The following TINAG variants were observed in gnomAD, a reference collection of about 807,000 sequenced individuals.
TINAG encodes tubulointerstitial nephritis antigen.
A neutral mutation model predicts 72.7 loss-of-function variants in TINAG; 83 were observed. The observed-to-expected ratio is 1.14, with a 90% CI of 0.96 to 1.37. The LOEUF (loss-of-function observed/expected upper bound fraction) is 1.37. Among genes scored for constraint, TINAG ranks in the 40% most tolerant of loss-of-function variants. The probability of loss-of-function intolerance (pLI) is 0.00; values close to 1 mark genes in which losing one functional copy is unlikely to be tolerated. For synonymous variants in TINAG, 234 were observed against 189.9 expected (o/e 1.23, Z -1.91); for missense variants, 685 against 576.6 (o/e 1.19, Z -1.93).
At chr6:54,357,640 T>C (rs1763094869) in intron 9 of TINAG, among the ~76,000 whole-genome samples, 4 of 151,918 alleles carry the variant, frequency 2.6e-5, no homozygotes, top group Admixed American at 2.6e-4. Context: ...TTACTTTCAA[T>C]ATGTCACAAC....
At chr6:54,340,403 A>AG (rs1784969569) in intron 4 of TINAG, among the ~76,000 whole-genome samples, 1 of 152,102 alleles carries the variant, frequency 6.6e-6, no homozygotes, top group South Asian at 2.1e-4. Flanking sequence ...AGCAAAAAAA[A>AG]AAAAAATTAA....
At chr6:54,332,479 A>G (rs1354821250) in intron 4 of TINAG, among the ~76,000 whole-genome samples, 3 of 152,240 alleles carry the variant, frequency 2.0e-5, no homozygotes, top group Non-Finnish European at 4.4e-5. Flanking sequence ...AAGATGAATT[A>G]AAGACTTGAA....
Position 54,350,997 on chromosome 6 carries a change from A to G in TINAG, c.1081-355A>G, listed in dbSNP as rs9395938. ...GAGACATCATAGAAATATTTGTACT[A>G]AAGCTACTGAGACATCTAACTAAAC... On this transcript the variant is annotated intron_variant, in intron 7 of 10. Coordinates refer to ENST00000259782, the MANE Select transcript of TINAG (RefSeq NM_014464.4). Among the ~76,000 whole-genome samples the G allele has an allele frequency of 9.2e-3, 1,394 of 152,006 alleles. 30 individuals are homozygous for G. The highest frequency in any genetic ancestry group is 0.052 in the East Asian group (265 of 5,122).
chr6:54,313,755 T>A (rs79815013), intron 1 of TINAG, among the ~76,000 whole-genome samples: 1 of 152,126 alleles, frequency 6.6e-6, no homozygotes, highest in Non-Finnish European at 1.5e-5. Flanking sequence ...TTAAATTAAA[T>A]AATAATTTAC....
chr6:54,367,543 T>C (rs1763471219), intron 9 of TINAG, among the ~76,000 whole-genome samples: 1 of 151,730 alleles, frequency 6.6e-6, no homozygotes, highest in Non-Finnish European at 1.5e-5. Flanking sequence ...GAACCCTACC[T>C]GAGCATGTGC....
At chr6:54,349,425 T>G in intron 6 of TINAG, among the ~76,000 whole-genome samples, 1 of 152,006 alleles carries the variant, frequency 6.6e-6, no homozygotes, top group Non-Finnish European at 1.5e-5. Context: ...ACCACAGACT[T>G]AATATTGACA....
intron 10 of TINAG, among the ~76,000 whole-genome samples, chr6:54,381,866 T>A (rs73446639): frequency 0.01 from 1,549 of 152,160 alleles, 34 homozygotes; most frequent in African/African-American, 0.034. Flanking sequence ...TCACAACAGT[T>A]CTTAGCATAT....
At chr6:54,337,931 G>A (rs893289011) in intron 4 of TINAG, among the ~76,000 whole-genome samples, 6 of 152,286 alleles carry the variant, frequency 3.9e-5, no homozygotes, top group East Asian at 1.9e-4. Context: ...GGGAAAAGCC[G>A]AGGACAGAGT....
intron 4 of TINAG, chr6:54,327,236 T>C (rs1042542249): frequency 6.8e-7 from 1 of 1,474,132 alleles, no homozygotes; most frequent in Non-Finnish European, 9.0e-7. Context: ...ATTTCTGCAT[T>C]ACCAACTGAG....
At chr6:54,376,784 A>G (rs925489413) in intron 9 of TINAG, among the ~76,000 whole-genome samples, 21 of 152,146 alleles carry the variant, frequency 1.4e-4, no homozygotes, top group Non-Finnish European at 8.8e-5. Context: ...TCTTTCCATA[A>G]AGACTTTTCA....
chr6:54,366,676 A>T (rs1358156691), intron 9 of TINAG, among the ~76,000 whole-genome samples: 1 of 151,492 alleles, frequency 6.6e-6, no homozygotes, highest in Non-Finnish European at 1.5e-5. Flanking sequence ...TAGGATAGGG[A>T]TATACATTGA....
chr6:54,333,319 G>T (rs999899868), intron 4 of TINAG, among the ~76,000 whole-genome samples: 1 of 152,100 alleles, frequency 6.6e-6, no homozygotes, highest in Non-Finnish European at 1.5e-5. Flanking sequence ...CTTTTGCAGG[G>T]ACATGGATGA....
intron 3 of TINAG, among the ~76,000 whole-genome samples, chr6:54,326,298 TTAA>T (rs1784600301): frequency 2.0e-5 from 3 of 151,684 alleles, no homozygotes; most frequent in South Asian, 2.1e-4. Context: ...CAATATCTGA[TTAA>T]TTAGATTTTT....
intron 4 of TINAG, among the ~76,000 whole-genome samples, chr6:54,329,117 C>A (rs192873438): frequency 6.6e-6 from 1 of 151,948 alleles, no homozygotes; most frequent in East Asian, 1.9e-4. Context: ...TCAGGAGATA[C>A]AGAGAACACC....
intron 9 of TINAG, among the ~76,000 whole-genome samples, chr6:54,364,756 A>G (rs192373010): frequency 6.6e-6 from 1 of 151,526 alleles, no homozygotes; most frequent in African/African-American, 2.4e-5. Context: ...GTCATAAACC[A>G]TTGATATCTC....
chr6:54,331,347 T>C (rs537999264), intron 4 of TINAG, among the ~76,000 whole-genome samples: 1 of 152,092 alleles, frequency 6.6e-6, no homozygotes, highest in South Asian at 2.1e-4. Context: ...ACAGAACCAA[T>C]AACAAAAACC....
intron 4 of TINAG, among the ~76,000 whole-genome samples, chr6:54,335,852 T>C (rs1461616019): frequency 3.3e-5 from 5 of 152,160 alleles, no homozygotes; most frequent in Admixed American, 2.6e-4. Flanking sequence ...AGACTATACA[T>C]ACAGCCAGGG....
intron 3 of TINAG, 52 bp downstream of exon 3, chr6:54,321,438 G>T: frequency 7.9e-7 from 1 of 1,260,084 alleles, no homozygotes. Context: ...TTACTATGCA[G>T]GTTTCAATGT....
In TINAG at chr6:54,351,447, A is replaced by G. The variant is rs1785265032; in HGVS notation, c.1126+50A>G. On this transcript the variant is annotated intron_variant, in intron 8 of 10. Transcript: ENST00000259782. ...TTTCTTACTCATTCCTTTAATAAAC[A>G]ACATTACATTGAGCTCATGTAATAG... The G allele has an allele frequency of 2.6e-6, 4 of 1,547,016 alleles. No individual in the cohort carries two copies. In the East Asian group the frequency reaches 9.1e-5, roughly 35 times the overall value.
Sources: gnomAD v4.1 joint callset for allele counts (sites outside exome capture counted in the v4.1 genomes callset) on GRCh38, gnomAD v4.1.1 for gene constraint, MANE v1.5 for transcripts, NCBI Gene and HGNC (gene_info 2026-07-23, HGNC 2026-07-21) for gene names.